KCNIP4: variants seen among roughly 807,000 people sequenced by gnomAD.
KCNIP4 encodes the protein Kv channel-interacting protein 4.
In KCNIP4, 12 loss-of-function variants were observed where a neutral mutation model predicts 34.0. The observed-to-expected ratio is 0.35, with a 90% confidence interval of 0.23 to 0.57. The LOEUF is 0.57. Among genes scored for constraint, KCNIP4 ranks in the 20% least tolerant of loss-of-function variants. The probability of loss-of-function intolerance (pLI) is 0.83; values close to 1 mark genes in which losing one functional copy is unlikely to be tolerated. For missense variants in KCNIP4, 238 were observed against 311.7 expected (o/e 0.76, Z 1.78); for synonymous variants, 124 against 102.2 (o/e 1.21, Z -1.29).
chr4:20,881,001 C>T (rs1180242528), intron 2 of KCNIP4, among the ~76,000 whole-genome samples: 1 of 152,126 alleles, frequency 6.6e-6, no homozygotes, highest in African/African-American at 2.4e-5. Flanking sequence ...TTAGTTCTGC[C>T]TCCTCTCCCC....
chr4:21,186,004 C>T (rs182073033), intron 1 of KCNIP4, among the ~76,000 whole-genome samples: 230 of 152,268 alleles, frequency 1.5e-3, no homozygotes, highest in Admixed American at 2.6e-3. Flanking sequence ...GCTCTCTATC[C>T]TAGAGAGTAA....
In KCNIP4 at chr4:21,473,939, C is replaced by A. The variant is rs191217479; in HGVS notation, c.61+474632G>T. Among the ~76,000 whole-genome samples, 10 of 152,168 alleles carry A rather than the reference C, an allele frequency of 6.6e-5. No homozygotes were observed. The East Asian group carries it at 1.9e-3, about 29-fold the overall frequency. ...ATGTTGGCCAGGCTGTCCTCAAACT[C>A]CTGACCTCAGATGATTCACCCGCCT... On this transcript the variant is annotated intron_variant, in intron 1 of 8. Coordinates refer to ENST00000382152, the MANE Select transcript of KCNIP4 (RefSeq NM_025221.6).
chr4:21,438,825 G>A (rs1205311188), intron 1 of KCNIP4, among the ~76,000 whole-genome samples: 3 of 152,192 alleles, frequency 2.0e-5, no homozygotes, highest in African/African-American at 7.2e-5. Flanking sequence ...GAGAATTTCA[G>A]GGGTACAGCC....
chr4:21,199,276 G>A (rs1420178166), intron 1 of KCNIP4, among the ~76,000 whole-genome samples: 1 of 152,194 alleles, frequency 6.6e-6, no homozygotes, highest in South Asian at 2.1e-4. Context: ...TAACTAGTGT[G>A]AGATGGTATC....
intron 1 of KCNIP4, among the ~76,000 whole-genome samples, chr4:21,726,993 C>T (rs1715242598): frequency 1.3e-5 from 2 of 152,154 alleles, no homozygotes; most frequent in African/African-American, 4.8e-5. Context: ...ACATGTTTGG[C>T]ACTACACAGT....
intron 1 of KCNIP4, among the ~76,000 whole-genome samples, chr4:21,031,742 A>G (rs912657911): frequency 1.3e-5 from 2 of 152,194 alleles, no homozygotes; most frequent in African/African-American, 4.8e-5. Flanking sequence ...ATCCATTGAA[A>G]AGCTAACTTC....
At chr4:21,575,131 GA>G (rs1169243957) in intron 1 of KCNIP4, among the ~76,000 whole-genome samples, 1 of 152,114 alleles carries the variant, frequency 6.6e-6, no homozygotes, top group Non-Finnish European at 1.5e-5. Context: ...CTCTGTGGGA[GA>G]GGAGGTGATC....
At chr4:20,923,933 TA>T (rs1431273984) in intron 1 of KCNIP4, among the ~76,000 whole-genome samples, 1 of 152,174 alleles carries the variant, frequency 6.6e-6, no homozygotes. Context: ...GCTTGTCATG[TA>T]CTCAATTACA....
intron 1 of KCNIP4, among the ~76,000 whole-genome samples, chr4:21,268,772 G>A (rs1490717373): frequency 2.0e-5 from 3 of 152,172 alleles, no homozygotes; most frequent in African/African-American, 7.2e-5. Flanking sequence ...ATGGTATTGG[G>A]TGCTATGGGA....
intron 1 of KCNIP4, among the ~76,000 whole-genome samples, chr4:21,040,689 A>G (rs1289786950): frequency 1.3e-5 from 2 of 152,144 alleles, no homozygotes; most frequent in East Asian, 1.9e-4. Context: ...AACCTATATG[A>G]TCTGTACTTT....
At chr4:21,170,472 T>C (rs1446374245) in intron 1 of KCNIP4, among the ~76,000 whole-genome samples, 4 of 151,910 alleles carry the variant, frequency 2.6e-5, no homozygotes, top group Non-Finnish European at 4.4e-5. Flanking sequence ...TAAATCACTG[T>C]ATCTAAATAT....
At chr4:20,791,993 C>A (rs955576661) in intron 3 of KCNIP4, among the ~76,000 whole-genome samples, 1 of 152,192 alleles carries the variant, frequency 6.6e-6, no homozygotes, top group Non-Finnish European at 1.5e-5. Flanking sequence ...ACATGTAAAT[C>A]AGTTCCTTAA....
intron 1 of KCNIP4, among the ~76,000 whole-genome samples, chr4:21,079,734 A>G (rs894639584): frequency 5.3e-5 from 8 of 151,862 alleles, no homozygotes; most frequent in African/African-American, 1.7e-4. Context: ...GGATTATCCA[A>G]ATCAGTTCAG....
At chr4:21,372,003 C>T (rs1255418975) in intron 1 of KCNIP4, among the ~76,000 whole-genome samples, 2 of 147,184 alleles carry the variant, frequency 1.4e-5, no homozygotes, top group Non-Finnish European at 2.9e-5. Flanking sequence ...CTCCATACTG[C>T]TACCAAATTT....
intron 1 of KCNIP4, among the ~76,000 whole-genome samples, chr4:21,028,823 G>A (rs535364430): frequency 5.9e-5 from 9 of 152,252 alleles, no homozygotes; most frequent in Admixed American, 5.9e-4. Context: ...TGTCTAAGTT[G>A]GGAAGGATAG....
At chr4:21,007,161 C>A (rs1738643641) in intron 1 of KCNIP4, among the ~76,000 whole-genome samples, 1 of 152,140 alleles carries the variant, frequency 6.6e-6, no homozygotes, top group Admixed American at 6.5e-5. Context: ...ATGGGGATTG[C>A]ACATTGGTGA....
In KCNIP4 at chr4:21,083,838, T is replaced by C. The variant is rs1746202944; in HGVS notation, c.62-201129A>G. 1.3e-5 allele frequency among the ~76,000 whole-genome samples: 2 copies of C among 151,908 alleles called. 1 individual carries two copies. The highest frequency in any genetic ancestry group is 4.9e-5 in the African/African-American group (2 of 41,212). ...ACTCTCTTCTTTGAAATTCTGGAATTGGCGGCAGGGGAAATTGCATGTAAA... is the reference window on the plus strand; with the variant it reads ...ACTCTCTTCTTTGAAATTCTGGAATCGGCGGCAGGGGAAATTGCATGTAAA... On this transcript the variant is annotated intron_variant, in intron 1 of 8. Transcript: ENST00000382152.
rs144440285 is a variant in KCNIP4 at position 21,137,871 on chromosome 4, C to CT, written c.62-255163dup. Among the ~76,000 whole-genome samples, 79 of 118,172 alleles carry CT rather than the reference C, an allele frequency of 6.7e-4. 6 individuals carry two copies. Among genetic ancestry groups the CT allele is most frequent in the African/African-American group, 2.5e-3 (70 of 28,092 alleles). 77.5% of individuals were successfully genotyped at this position (118,172 alleles called of 152,430 possible). A position where few individuals can be genotyped will look rare whatever the true frequency, so the allele number is the denominator to read the frequency against. ...ATGAAGGCTTTTTCCCTTACACAGGCTTTTTTGTTTTTTTTTTTTTGATGG... is the reference window on the plus strand; with the variant it reads ...ATGAAGGCTTTTTCCCTTACACAGGCTTTTTTTGTTTTTTTTTTTTTGATGG... On this transcript the variant is annotated intron_variant, in intron 1 of 8. Transcript: ENST00000382152.
At chr4:20,965,470 A>G (rs1453317624) in intron 1 of KCNIP4, among the ~76,000 whole-genome samples, 1 of 152,160 alleles carries the variant, frequency 6.6e-6, no homozygotes, top group Admixed American at 6.5e-5. Flanking sequence ...TTCCCACTTA[A>G]AAAATTTCCC....
Sources: gnomAD v4.1 joint callset for allele counts (sites outside exome capture counted in the v4.1 genomes callset) on GRCh38, gnomAD v4.1.1 for gene constraint, MANE v1.5 for transcripts, NCBI Gene and HGNC (gene_info 2026-07-23, HGNC 2026-07-21) for gene names.